The following MINPP1 variants were observed in gnomAD, a reference collection of about 807,000 sequenced individuals.
MINPP1 encodes the protein multiple inositol polyphosphate phosphatase 1.
MINPP1 carries 28 observed loss-of-function variants against 46.1 expected under a neutral mutation model. That is an observed-to-expected ratio of 0.61 (90% CI 0.45 to 0.83). The LOEUF (loss-of-function observed/expected upper bound fraction) is 0.83, where lower values mean the gene tolerates loss of function less well. Ranked by LOEUF, MINPP1 falls within the 40% of genes least tolerant of loss-of-function variation. MINPP1 has a pLI of 0.00. For synonymous variants in MINPP1, 268 were observed against 249.1 expected, an observed-to-expected ratio of 1.08 and a Z score of -0.72; for missense variants, 603 against 610.0, an observed-to-expected ratio of 0.99 and a Z score of 0.12.
At chr10:87,534,459 A>G (rs762405613) in intron 4 of MINPP1, among the ~76,000 whole-genome samples, 33 of 152,174 alleles carry the variant, frequency 2.2e-4, no homozygotes, top group Non-Finnish European at 4.3e-4. Flanking sequence ...TTGAATAGAC[A>G]CTTTTTGACT....
intron 4 of MINPP1, among the ~76,000 whole-genome samples, chr10:87,545,091 A>G (rs1197137000): frequency 6.6e-6 from 1 of 152,196 alleles, no homozygotes; most frequent in Non-Finnish European, 1.5e-5. Flanking sequence ...AAATTGTATA[A>G]AACATGTAGT....
At chr10:87,519,501 A>C (rs999631493) in intron 3 of MINPP1, among the ~76,000 whole-genome samples, 1 of 152,124 alleles carries the variant, frequency 6.6e-6, no homozygotes, top group Non-Finnish European at 1.5e-5. Context: ...CCGTTTATTC[A>C]TCCTTTTTCC....
chr10:87,530,189 G>A (rs1208282456), intron 4 of MINPP1, among the ~76,000 whole-genome samples: 5 of 152,054 alleles, frequency 3.3e-5, no homozygotes, highest in South Asian at 2.1e-4. Context: ...ATTACCAATC[G>A]TCTGAAGCCT....
intron 4 of MINPP1, among the ~76,000 whole-genome samples, chr10:87,534,256 T>C (rs1851702762): frequency 6.6e-6 from 1 of 152,120 alleles, no homozygotes; most frequent in African/African-American, 2.4e-5. Context: ...GGTTTCGCCA[T>C]GTTGGCCAGG....
intron 4 of MINPP1, among the ~76,000 whole-genome samples, chr10:87,538,522 A>G (rs1851770555): frequency 6.6e-6 from 1 of 152,228 alleles, no homozygotes; most frequent in Non-Finnish European, 1.5e-5. Context: ...CTTGACTGGA[A>G]GTGGAAACTG....
chr10:87,524,242 T>A (rs1851543683), intron 4 of MINPP1, among the ~76,000 whole-genome samples: 1 of 152,200 alleles, frequency 6.6e-6, no homozygotes, highest in African/African-American at 2.4e-5. Flanking sequence ...CAACTTACAT[T>A]TTTGTGTTAT....
At chr10:87,521,917 T>C (rs912402496) in intron 4 of MINPP1, among the ~76,000 whole-genome samples, 1 of 152,232 alleles carries the variant, frequency 6.6e-6, no homozygotes, top group Non-Finnish European at 1.5e-5. Context: ...ACTTCTGGGC[T>C]CAAGGAATCC....
chr10:87,532,576 G>C (rs1291856871), intron 4 of MINPP1, among the ~76,000 whole-genome samples: 1 of 152,086 alleles, frequency 6.6e-6, no homozygotes, highest in African/African-American at 2.4e-5. Flanking sequence ...CCTGGGACTG[G>C]GTATCTCTGT....
intron 4 of MINPP1, among the ~76,000 whole-genome samples, chr10:87,551,196 G>A (rs1851958155): frequency 6.6e-6 from 1 of 151,908 alleles, no homozygotes; most frequent in African/African-American, 2.4e-5. Context: ...GTGTGTGTTG[G>A]GGGCAGAGGG....
Position 87,504,929 on chromosome 10 carries a change from C to G in MINPP1, c.14C>G (p.Pro5Arg). The G allele has an allele frequency of 6.2e-7, 1 of 1,610,882 alleles. No individual in the cohort carries two copies. Among genetic ancestry groups the G allele is most frequent in the Admixed American group, 1.7e-5 (1 of 59,906 alleles). Residue 5 changes from proline (P) to arginine (R), a missense_variant, in exon 1 of 5, where the codon CCC (proline) becomes CGC (arginine). By Grantham distance (103) the Pro-to-Arg change is moderately radical. Transcript: ENST00000371996. MLRA[P>R]GCLLRTSVAP... ...ACCGTCCCGACGATGCTACGCGCGC[C>G]CGGCTGCCTCCTCCGGACCTCCGTA...
intron 3 of MINPP1, among the ~76,000 whole-genome samples, chr10:87,515,822 A>ATTTT (rs71019482): frequency 3.1e-4 from 26 of 84,108 alleles, no homozygotes; most frequent in Non-Finnish European, 4.0e-4. Context: ...TTTGTTAAGA[A>ATTTT]TTTTTTTTTT....
chr10:87,515,676 C>G (rs1000968225), intron 3 of MINPP1, among the ~76,000 whole-genome samples: 8 of 152,068 alleles, frequency 5.3e-5, no homozygotes, highest in African/African-American at 1.9e-4. Flanking sequence ...CTGGGATTTG[C>G]TTCAAAATAA....
At chr10:87,517,947 C>T (rs1206616508) in intron 3 of MINPP1, among the ~76,000 whole-genome samples, 5 of 151,556 alleles carry the variant, frequency 3.3e-5, no homozygotes, top group African/African-American at 9.7e-5. Flanking sequence ...CAGGTGTGAG[C>T]CACTGCACCT....
In MINPP1 at chr10:87,510,432, C is replaced by T. The variant is rs149828701; in HGVS notation, c.835+1899C>T. Among the ~76,000 whole-genome samples, 13 of 152,332 alleles carry T rather than the reference C, an allele frequency of 8.5e-5. No homozygotes were observed. The East Asian group carries it at 2.5e-3, about 29-fold the overall frequency. On this transcript the variant is annotated intron_variant, in intron 2 of 4. Transcript: ENST00000371996. Reference sequence around the variant, plus strand: ...AGTCAATGCTAGTTAAATTGTTTAACCCATCATCGAATTTTACTGCTGTAA... The same window carrying T: ...AGTCAATGCTAGTTAAATTGTTTAATCCATCATCGAATTTTACTGCTGTAA...
chr10:87,510,944 A>C (rs1851325936), intron 2 of MINPP1, among the ~76,000 whole-genome samples: 1 of 152,220 alleles, frequency 6.6e-6, no homozygotes, highest in Non-Finnish European at 1.5e-5. Context: ...CATATCTTCC[A>C]ACAGTAGATA....
intron 4 of MINPP1, among the ~76,000 whole-genome samples, chr10:87,527,681 G>T (rs1262015440): frequency 2.0e-5 from 3 of 151,700 alleles, no homozygotes; most frequent in Non-Finnish European, 2.9e-5. Context: ...CTTTTTTTTT[G>T]TTGTGTCTCT....
At position 87,549,693 on chromosome 10, in the gene MINPP1, A is replaced by C. The variant is rs116170463; in HGVS notation, c.1068-2389A>C. Among the ~76,000 whole-genome samples, 1,083 of 152,322 alleles carry C rather than the reference A, an allele frequency of 7.1e-3. 11 individuals carry two copies. Among genetic ancestry groups the C allele is most frequent in the African/African-American group, 0.025 (1,023 of 41,562 alleles). On this transcript the variant is annotated intron_variant, in intron 4 of 4. Coordinates refer to ENST00000371996, the MANE Select transcript of MINPP1 (RefSeq NM_004897.5). ...GGGGAAAGAGGAGAGAGTTACTGAC[A>C]GTAAATTCTTCTGGTTAGACAGTGG...
intron 4 of MINPP1, among the ~76,000 whole-genome samples, chr10:87,535,403 T>C (rs572500490): frequency 2.0e-5 from 3 of 152,326 alleles, no homozygotes; most frequent in Admixed American, 6.5e-5. Context: ...ATTTTATTAA[T>C]TGTTATTAAT....
chr10:87,515,218 C>A (rs1009563948), intron 3 of MINPP1, among the ~76,000 whole-genome samples: 4 of 151,778 alleles, frequency 2.6e-5, no homozygotes, highest in Non-Finnish European at 4.4e-5. Context: ...GAAACCCCGT[C>A]CATACTAAAA....
Sources: allele counts gnomAD v4.1 joint callset (sites outside exome capture counted in the v4.1 genomes callset), GRCh38; gene constraint gnomAD v4.1.1; transcripts MANE v1.5; gene names NCBI Gene and HGNC (gene_info 2026-07-23, HGNC 2026-07-21).